PPL: variants seen among roughly 807,000 people sequenced by gnomAD.
PPL encodes the protein periplakin.
PPL carries 198 observed loss-of-function variants against 194.4 expected under a neutral mutation model. That is an observed-to-expected ratio of 1.02 (90% confidence interval 0.91 to 1.15). The LOEUF is 1.15. Among genes scored for constraint, PPL ranks in the 50% most tolerant of loss-of-function variants. PPL has a pLI of 0.00. For missense variants in PPL, 2,885 were observed against 2,294.8 expected, an observed-to-expected ratio of 1.26 and a Z score of -5.25; for synonymous variants, 1,220 against 972.4, an observed-to-expected ratio of 1.25 and a Z score of -4.74.
intron 2 of PPL, among the ~76,000 whole-genome samples, chr16:4,906,827 C>G (rs923549030): frequency 6.6e-6 from 1 of 152,152 alleles, no homozygotes; most frequent in Non-Finnish European, 1.5e-5. Flanking sequence ...AGACAGTTAC[C>G]CATCTTGCCA....
chr16:4,923,738 T>C (rs2089100397), intron 1 of PPL, among the ~76,000 whole-genome samples: 1 of 152,262 alleles, frequency 6.6e-6, no homozygotes, highest in East Asian at 1.9e-4. Context: ...GAGACAGGGA[T>C]AGGAATTGAT....
At position 4,902,649 on chromosome 16, in the gene PPL, G is replaced by A. The variant is rs1417736618; in HGVS notation, c.318-123C>T. On this transcript the variant is annotated intron_variant, in intron 3 of 21. Transcript: ENST00000345988. The surrounding 1 kb of genome is among the most constrained non-coding windows in gnomAD (Gnocchi z 4.0). ...GGACACAGTGACCATATGGCCTTGG[G>A]TTCCAGACAATCACAGCATCCTCTC... 1.8e-6 allele frequency: 2 copies of A among 1,138,180 alleles called. No homozygotes were observed. The highest frequency in any genetic ancestry group is 2.7e-5 in the East Asian group (1 of 37,378). The allele number at this position is 1,138,180 out of a possible 1,614,324, so 70.5% of individuals were successfully genotyped here. A position where few individuals can be genotyped will look rare whatever the true frequency, so the allele number is the denominator to read the frequency against.
At chr16:4,936,956 C>G (rs761831855) in intron 1 of PPL, 28 bp downstream of exon 1, 1 of 1,578,698 alleles carries the variant, frequency 6.3e-7, no homozygotes, top group Non-Finnish European at 8.6e-7. Flanking sequence ...AAGAGCGTCC[C>G]GGAGCGGAGC....
At chr16:4,931,106 G>A (rs1310364000) in intron 1 of PPL, among the ~76,000 whole-genome samples, 1 of 152,164 alleles carries the variant, frequency 6.6e-6, no homozygotes, top group East Asian at 1.9e-4. Flanking sequence ...GCTCATGGCT[G>A]TAATCTCAGT....
intron 6 of PPL, among the ~76,000 whole-genome samples, chr16:4,899,939 G>A (rs1329141855): frequency 1.3e-5 from 2 of 152,140 alleles, no homozygotes; most frequent in African/African-American, 4.8e-5. Flanking sequence ...GGCCCTCCAC[G>A]CCTGATGAAC....
chr16:4,919,073 C>A (rs2088985311), intron 1 of PPL, among the ~76,000 whole-genome samples: 1 of 152,200 alleles, frequency 6.6e-6, no homozygotes, highest in Non-Finnish European at 1.5e-5. Flanking sequence ...CCCCTCCCCA[C>A]ACACACACCG....
intron 1 of PPL, among the ~76,000 whole-genome samples, chr16:4,911,926 T>C (rs2088827961): frequency 6.6e-6 from 1 of 152,130 alleles, no homozygotes; most frequent in South Asian, 2.1e-4. Context: ...AGCCTCGAAC[T>C]CCTGAGCTCA....
At chr16:4,924,266 A>G (rs1243487920) in intron 1 of PPL, among the ~76,000 whole-genome samples, 1 of 152,220 alleles carries the variant, frequency 6.6e-6, no homozygotes, top group Non-Finnish European at 1.5e-5. Flanking sequence ...CAGGTGGTCA[A>G]CAGAACATTA....
Position 4,883,602 on chromosome 16 carries a change from A to G in PPL, c.5053T>C (p.Phe1685Leu). The change falls in exon 22 of 22, where the codon TTC becomes CTC. Residue 1685 changes from phenylalanine (F) to leucine (L), a missense_variant. Physicochemically the swap from Phe to Leu is conservative, Grantham distance 22 (BLOSUM62 0). Coordinates refer to ENST00000345988, the MANE Select transcript of PPL (RefSeq NM_002705.5). The surrounding 1 kb of genome is among the most constrained non-coding windows in gnomAD (Gnocchi z 4.8). ...HRAGLIDWNMFVKLRSQECDW... is the reference protein window; with the variant it reads ...HRAGLIDWNMLVKLRSQECDW... ...CACTCCTGGCTTCTGAGTTTCACGA[A>G]CATGTTCCAGTCAATGAGCCCGGCA... The G allele has an allele frequency of 6.2e-7, 1 of 1,614,168 alleles. No homozygotes were observed. The highest frequency in any genetic ancestry group is 1.1e-5 in the South Asian group (1 of 91,086).
At chr16:4,898,595 G>A (rs1456185874) in intron 8 of PPL, among the ~76,000 whole-genome samples, 2 of 152,138 alleles carry the variant, frequency 1.3e-5, no homozygotes, top group Non-Finnish European at 2.9e-5. Flanking sequence ...CACAAGCCAA[G>A]GGCTGTTGGC....
rs1567985970 is a variant in PPL, at chr16:4,885,429, C to G, written c.3226G>C (p.Asp1076His). Residue 1076 changes from aspartate to histidine, a missense_variant, in exon 22 of 22, where the codon GAC (aspartate) becomes CAC (histidine). Transcript: ENST00000345988. This position sits in a 1 kb window ranked among gnomAD's most constrained non-coding sequence, Gnocchi z 6.3. ...LEAEYQQLQE[D>H]HQRQDQLREK... is the part of the protein sequence containing the mutation. The stretch of plus-strand genomic sequence containing the variant: ...CTGAGCTGGTCCTGGCGCTGGTGGT[C>G]CTCCTGCAGCTGCTGGTACTCTGCC... 3 of 1,612,632 alleles carry G rather than the reference C, an allele frequency of 1.9e-6. No individual in the cohort carries two copies. Among genetic ancestry groups the G allele is most frequent in the Non-Finnish European group, 2.5e-6 (3 of 1,179,988 alleles).
chr16:4,895,619 A>T lies in PPL; in HGVS notation c.1070T>A (p.Ile357Asn). 1 of 1,613,978 alleles carries T rather than the reference A, an allele frequency of 6.2e-7. No homozygotes were observed. The highest frequency in any genetic ancestry group is 2.2e-5 in the East Asian group (1 of 44,872). Residue 357 changes from isoleucine (I) to asparagine (N), a missense_variant, in exon 10 of 22, where the codon ATT becomes AAT. Ile to Asn is a moderately radical substitution (Grantham distance 149, BLOSUM62 -3). Transcript: ENST00000345988. ...YGPDFKDRYQ[I>N]ELLLRELDDQ... ...ATCCAGCTCCCGCAGCAGCAGCTCA[A>T]TCTGGTACCGGTCCTTGAAGTCAGG...
At chr16:4,887,289 G>C in intron 20 of PPL, 62 bp from the exon 21 acceptor site, 1 of 1,230,856 alleles carries the variant, frequency 8.1e-7, no homozygotes, top group South Asian at 1.2e-5. Flanking sequence ...AAGCAACAGA[G>C]AGCTAGACAG....
At chr16:4,930,860 G>C (rs2089217115) in intron 1 of PPL, among the ~76,000 whole-genome samples, 1 of 152,212 alleles carries the variant, frequency 6.6e-6, no homozygotes, top group South Asian at 2.1e-4. Context: ...TTGATGTGCA[G>C]GGCACCAGCT....
At position 4,884,172 on chromosome 16, in the gene PPL, C is replaced by T. The variant is rs747957259; in HGVS notation, c.4483G>A (p.Val1495Ile). 59 of 1,613,866 alleles carry T rather than the reference C, an allele frequency of 3.7e-5. No individual in the cohort carries two copies. Among genetic ancestry groups the T allele is most frequent in the Non-Finnish European group, 5.0e-5 (59 of 1,180,036 alleles). ...RKLAALEKAE[V>I]KEKVVLSESV... is the part of the protein sequence containing the mutation. Reference sequence around the variant, plus strand: ...TCGGAGAGCACCACCTTCTCCTTGACCTCCGCCTTCTCCAGTGCAGCCAGT... The same window carrying T: ...TCGGAGAGCACCACCTTCTCCTTGATCTCCGCCTTCTCCAGTGCAGCCAGT... Residue 1495 changes from valine to isoleucine, a missense_variant, in exon 22 of 22, where the codon GTC becomes ATC. By Grantham distance (29) the Val-to-Ile change is conservative (BLOSUM62 3). Coordinates refer to ENST00000345988, the MANE Select transcript of PPL (RefSeq NM_002705.5). This position sits in a 1 kb window ranked among gnomAD's most constrained non-coding sequence, Gnocchi z 5.7.
At chr16:4,911,780 C>T (rs1263217192) in intron 1 of PPL, among the ~76,000 whole-genome samples, 1 of 152,184 alleles carries the variant, frequency 6.6e-6, no homozygotes, top group Non-Finnish European at 1.5e-5. Flanking sequence ...TCAAGCAATT[C>T]GTCCACCTTG....
intron 2 of PPL, among the ~76,000 whole-genome samples, chr16:4,908,331 C>CA (rs2088744179): frequency 6.6e-6 from 1 of 151,504 alleles, no homozygotes; most frequent in Non-Finnish European, 1.5e-5. Context: ...TCTGTCTCTG[C>CA]AAAAAAATAA....
In PPL at chr16:4,903,962, G is replaced by A. The variant is rs746123292; in HGVS notation, c.241C>T (p.Leu81=). The A allele has an allele frequency of 1.2e-5, 20 of 1,613,898 alleles. No individual in the cohort carries two copies. Among genetic ancestry groups the A allele is most frequent in the Admixed American group, 1.7e-5 (1 of 60,008 alleles). Residue 81 remains leucine, a synonymous_variant, in exon 3 of 22, where the codon CTG becomes TTG. Transcript: ENST00000345988. ...GCATCCGCCTCTAGCACATAGAGCA[G>A]CTTCTCAGAGTCCAACACCTTCTGC... ...TLQKVLDSEK[L]LYVLEADAAI... is the part of the protein sequence containing the mutation.
chr16:4,884,781 C>A lies in PPL; in HGVS notation c.3874G>T (p.Val1292Phe). The change falls in exon 22 of 22, where the codon GTC (valine) becomes TTC (phenylalanine). Residue 1292 changes from valine to phenylalanine, a missense_variant. Coordinates refer to ENST00000345988, the MANE Select transcript of PPL (RefSeq NM_002705.5). The surrounding 1 kb of genome is among the most constrained non-coding windows in gnomAD (Gnocchi z 5.7). ...TCTTGGAATTGGAGGATCTCCTGGA[C>A]CACCTCTTTGGTCTGGACCTGGGGT... ...TKPQVQTKEV[V>F]QEILQFQEDP... 1 of 1,614,114 alleles carries A rather than the reference C, an allele frequency of 6.2e-7. No homozygotes were observed. The highest frequency in any genetic ancestry group is 8.5e-7 in the Non-Finnish European group (1 of 1,180,026).
Sources: gnomAD v4.1 joint callset for allele counts (sites outside exome capture counted in the v4.1 genomes callset) on GRCh38, gnomAD v4.1.1 for gene constraint, Gnocchi (gnomAD v3.1) non-coding constraint, MANE v1.5 for transcripts, NCBI Gene and HGNC (gene_info 2026-07-23, HGNC 2026-07-21) for gene names.